The following GRM8 variants were observed in gnomAD, a reference collection of about 807,000 sequenced individuals.
GRM8 encodes the protein metabotropic glutamate receptor 8.
Under a neutral mutation model 87.2 loss-of-function variants are expected in GRM8, and 47 were observed. The observed-to-expected ratio is 0.54, with a 90% CI of 0.43 to 0.69. GRM8 has a LOEUF of 0.69. Among genes scored for constraint, GRM8 ranks in the 30% least tolerant of loss-of-function variants. GRM8 has a pLI of 0.00. For missense variants in GRM8, 1,019 were observed against 1,139.2 expected (o/e 0.89, Z 1.52); for synonymous variants, 396 against 404.5 (o/e 0.98, Z 0.25).
At position 127,000,256 on chromosome 7, in the gene GRM8, T is replaced by C. The variant is rs367777292; in HGVS notation, c.728-95573A>G. ...CAGAAACTGGGAATGGTAGTGGGGA[T>C]GTGGTGGGGCAGGGAGTGGGAATTG... On this transcript the variant is annotated intron_variant, in intron 3 of 10. Transcript: ENST00000339582. Among the ~76,000 whole-genome samples the C allele has an allele frequency of 2.6e-5, 4 of 151,612 alleles. No individual in the cohort carries two copies. The East Asian group carries it at 5.8e-4, about 22-fold the overall frequency.
intron 6 of GRM8, among the ~76,000 whole-genome samples, chr7:126,780,011 T>C (rs1260445061): frequency 2.0e-5 from 3 of 152,190 alleles, no homozygotes; most frequent in Admixed American, 6.5e-5. Flanking sequence ...ATGTAGTAAA[T>C]AAATGAACAT....
At chr7:126,512,747 T>C (rs576687640) in intron 9 of GRM8, 1 of 152,234 alleles carries the variant, frequency 6.6e-6, no homozygotes, top group East Asian at 1.9e-4. Flanking sequence ...ATGGAAAGAT[T>C]TGGGAATAGT....
In GRM8 at chr7:126,829,339, G is replaced by A. The variant is rs1231776729; in HGVS notation, c.1157-59274C>T. Among the ~76,000 whole-genome samples the A allele has an allele frequency of 5.1e-5, 7 of 135,946 alleles. No homozygotes were observed. In the Admixed American group the frequency reaches 5.3e-4, roughly 10 times the overall value. The allele number at this position is 135,946 out of a possible 152,430, so 89.2% of individuals were successfully genotyped here. On this transcript the variant is annotated intron_variant, in intron 6 of 10. Coordinates refer to ENST00000339582, the MANE Select transcript of GRM8 (RefSeq NM_000845.3). ...CCATTATTATTGTGTGGGAGTCTAAGTCTCTTTGTAGGTCACTCAGGACTT... is the reference window on the plus strand; with the variant it reads ...CCATTATTATTGTGTGGGAGTCTAAATCTCTTTGTAGGTCACTCAGGACTT...
chr7:127,127,317 A>T (rs981524396), intron 2 of GRM8, among the ~76,000 whole-genome samples: 16 of 152,194 alleles, frequency 1.1e-4, no homozygotes, highest in African/African-American at 3.8e-4. Context: ...ACATATGTTC[A>T]TACAAAGACT....
chr7:126,526,268 T>C (rs750268966), intron 9 of GRM8, among the ~76,000 whole-genome samples: 37 of 152,214 alleles, frequency 2.4e-4, no homozygotes, highest in Non-Finnish European at 5.0e-4. Context: ...AAGATTAGGT[T>C]TGTGTATATG....
At position 126,947,780 on chromosome 7, in the gene GRM8, C is replaced by T. The variant is rs185773920; in HGVS notation, c.728-43097G>A. Among the ~76,000 whole-genome samples the T allele has an allele frequency of 9.2e-5, 14 of 152,256 alleles. No individual in the cohort carries two copies. The East Asian group carries it at 2.3e-3, about 25-fold the overall frequency. ...CAGTCGAAATCACTCACTTCAAAAA[C>T]TTGGACTAACATCAAGATTTTAGCC... On this transcript the variant is annotated intron_variant, in intron 3 of 10. Transcript: ENST00000339582.
chr7:127,069,513 T>C (rs1336479901), intron 3 of GRM8, among the ~76,000 whole-genome samples: 1 of 151,692 alleles, frequency 6.6e-6, no homozygotes, highest in Non-Finnish European at 1.5e-5. Flanking sequence ...CCTTTGTGGG[T>C]AGGAAATTCT....
At chr7:126,683,259 G>A (rs1263031185) in intron 7 of GRM8, among the ~76,000 whole-genome samples, 1 of 152,140 alleles carries the variant, frequency 6.6e-6, no homozygotes, top group Non-Finnish European at 1.5e-5. Context: ...AAAGTACCCA[G>A]GCAAGGCCTT....
chr7:126,828,476 C>A (rs1485855174), intron 6 of GRM8, among the ~76,000 whole-genome samples: 2 of 152,162 alleles, frequency 1.3e-5, no homozygotes, highest in African/African-American at 4.8e-5. Flanking sequence ...TCCATTTCTT[C>A]TAGATTTTCT....
At chr7:126,713,840 T>G (rs1215805139) in intron 7 of GRM8, among the ~76,000 whole-genome samples, 1 of 152,006 alleles carries the variant, frequency 6.6e-6, no homozygotes, top group Non-Finnish European at 1.5e-5. Context: ...ACACTGTATA[T>G]GTATATCTAA....
intron 3 of GRM8, among the ~76,000 whole-genome samples, chr7:127,040,047 GTGGGGAGGAGGGAAGA>G (rs1401356543): frequency 1.1e-3 from 26 of 24,120 alleles, no homozygotes; most frequent in African/African-American, 3.3e-3. Context: ...GGTGAGGAGG[GTGGGGAGGAGGGAAGA>G]AGGGGAGATG....
At chr7:126,743,820 T>C (rs1053299718) in intron 7 of GRM8, among the ~76,000 whole-genome samples, 1 of 152,158 alleles carries the variant, frequency 6.6e-6, no homozygotes, top group African/African-American at 2.4e-5. Flanking sequence ...TTTCCAGTGA[T>C]CTGCCAGGTG....
chr7:126,698,457 T>C (rs1382882690), intron 7 of GRM8, among the ~76,000 whole-genome samples: 2 of 152,304 alleles, frequency 1.3e-5, no homozygotes, highest in Middle Eastern at 3.4e-3. Flanking sequence ...TTTCCACATA[T>C]TACAAAATGC....
chr7:126,594,233 T>A (rs1796951316), intron 8 of GRM8, among the ~76,000 whole-genome samples: 4 of 152,054 alleles, frequency 2.6e-5, no homozygotes. Flanking sequence ...CATCTCCTAC[T>A]CGATATATAT....
chr7:126,536,519 T>G (rs551452708), intron 8 of GRM8, among the ~76,000 whole-genome samples: 1 of 152,348 alleles, frequency 6.6e-6, no homozygotes, highest in South Asian at 2.1e-4. Flanking sequence ...AAAGGAAATG[T>G]AATCTATTAT....
intron 8 of GRM8, among the ~76,000 whole-genome samples, chr7:126,555,802 A>G (rs1228297602): frequency 6.6e-6 from 1 of 152,212 alleles, no homozygotes; most frequent in Non-Finnish European, 1.5e-5. Flanking sequence ...TGTGTGGAAT[A>G]CAAATGCTCT....
intron 2 of GRM8, among the ~76,000 whole-genome samples, chr7:127,163,090 T>C (rs1406457291): frequency 6.6e-6 from 1 of 152,102 alleles, no homozygotes; most frequent in Admixed American, 6.6e-5. Context: ...ATAGGGGTTG[T>C]AGTAGGCTGT....
At chr7:126,864,672 TTATTC>T (rs1287373421) in intron 6 of GRM8, among the ~76,000 whole-genome samples, 1 of 152,208 alleles carries the variant, frequency 6.6e-6, no homozygotes, top group Admixed American at 6.5e-5. Context: ...ATGTCTCAGA[TTATTC>T]TATATTTCTA....
At chr7:126,619,268 C>T (rs751173858) in intron 7 of GRM8, among the ~76,000 whole-genome samples, 1 of 152,002 alleles carries the variant, frequency 6.6e-6, no homozygotes, top group Non-Finnish European at 1.5e-5. Flanking sequence ...GCAAACTACC[C>T]CAAGAACAAA....
Sources: allele counts gnomAD v4.1 joint callset (sites outside exome capture counted in the v4.1 genomes callset), GRCh38; gene constraint gnomAD v4.1.1; transcripts MANE v1.5; gene names NCBI Gene and HGNC (gene_info 2026-07-23, HGNC 2026-07-21).